LHPP: variants seen among roughly 807,000 people sequenced by gnomAD.
The protein encoded by LHPP is phospholysine phosphohistidine inorganic pyrophosphate phosphatase.
In LHPP, 24 loss-of-function variants were observed where a neutral mutation model predicts 30.3. The ratio of observed to expected loss-of-function variants is 0.79; its 90% CI spans 0.57 to 1.11. The LOEUF is 1.11. Among genes scored for constraint, LHPP ranks in the 50% most tolerant of loss-of-function variants. The pLI is 0.00. For missense variants in LHPP, 356 were observed against 367.2 expected, an observed-to-expected ratio of 0.97 and a Z score of 0.25; for synonymous variants, 150 against 157.1, an observed-to-expected ratio of 0.95 and a Z score of 0.34.
intron 5 of LHPP, among the ~76,000 whole-genome samples, chr10:124,516,977 C>T (rs768175711): frequency 6.6e-6 from 1 of 152,160 alleles, no homozygotes; most frequent in Non-Finnish European, 1.5e-5. Context: ...CTGTTCAAAG[C>T]TGTGGCCTAC....
At chr10:124,610,999 T>TGAGGGG (rs1564853303) in intron 6 of LHPP, among the ~76,000 whole-genome samples, 1 of 43,710 alleles carries the variant, frequency 2.3e-5, no homozygotes, top group Non-Finnish European at 5.3e-5. Context: ...CGGGTGAGGG[T>TGAGGGG]GTTAATGAAG....
chr10:124,462,363 G>A (rs926170762), intron 1 of LHPP, among the ~76,000 whole-genome samples: 4 of 152,222 alleles, frequency 2.6e-5, no homozygotes, highest in African/African-American at 7.2e-5. Context: ...AGAGGCAGAG[G>A]AGGGAGGATC....
At chr10:124,494,292 C>A (rs1385855446) in intron 3 of LHPP, among the ~76,000 whole-genome samples, 1 of 152,186 alleles carries the variant, frequency 6.6e-6, no homozygotes, top group Non-Finnish European at 1.5e-5. Flanking sequence ...GTCCACCCAA[C>A]CTCTAGCTCC....
chr10:124,500,750 C>G (rs73365843), intron 5 of LHPP, among the ~76,000 whole-genome samples: 5,747 of 151,574 alleles, frequency 0.038, 471 homozygotes, highest in African/African-American at 0.13. Flanking sequence ...TAGAAAATAA[C>G]AAGTGTTGGC....
At chr10:124,605,668 G>A (rs1203293730) in intron 6 of LHPP, among the ~76,000 whole-genome samples, 7 of 152,126 alleles carry the variant, frequency 4.6e-5, no homozygotes, top group Non-Finnish European at 1.0e-4. Context: ...AGGGAGGTCC[G>A]CAGGTGGGGC....
intron 5 of LHPP, among the ~76,000 whole-genome samples, chr10:124,513,402 G>T (rs953553553): frequency 1.1e-4 from 16 of 149,910 alleles, no homozygotes; most frequent in South Asian, 4.3e-4. Context: ...GAGCTGGTTG[G>T]TGGTGGTTTT....
intron 6 of LHPP, among the ~76,000 whole-genome samples, chr10:124,565,224 C>A (rs535988959): frequency 1.3e-5 from 2 of 152,210 alleles, no homozygotes; most frequent in Admixed American, 6.5e-5. Flanking sequence ...GAGAAGGGCA[C>A]CTCCCCTGCT....
At chr10:124,498,748 C>T (rs1368526473) in intron 5 of LHPP, 2 of 466,060 alleles carry the variant, frequency 4.3e-6, no homozygotes, top group Admixed American at 4.8e-5. Context: ...TGGCTCACTG[C>T]AGCCTGGACC....
chr10:124,576,573 A>G lies in LHPP; in HGVS notation c.717-36691A>G, dbSNP rs1948666163. Among the ~76,000 whole-genome samples the G allele has an allele frequency of 7.2e-6, 1 of 139,100 alleles. No individual in the cohort carries two copies. The highest frequency in any genetic ancestry group is 2.7e-5 in the African/African-American group (1 of 36,652). 91.3% of individuals were successfully genotyped at this position (139,100 alleles called of 152,430 possible). ...CTGCCACCCCTATATCTTACCCCAG[A>G]CTCCCCCATATCTCGCCCCCAGACC... is the stretch of plus-strand genomic sequence containing the variant. On this transcript the variant is annotated intron_variant, in intron 6 of 6. Coordinates refer to ENST00000368842, the MANE Select transcript of LHPP (RefSeq NM_022126.4). This position sits in a 1 kb window ranked among gnomAD's most constrained non-coding sequence, Gnocchi z 4.2.
intron 6 of LHPP, among the ~76,000 whole-genome samples, chr10:124,551,115 A>G (rs555010385): frequency 4.5e-4 from 68 of 152,220 alleles, no homozygotes; most frequent in African/African-American, 1.6e-3. Context: ...CACCTCCACC[A>G]GCATTAGCAC....
intron 4 of LHPP, among the ~76,000 whole-genome samples, chr10:124,497,257 CCTCCCCATCCTCCCCA>C (rs1953747635): frequency 5.0e-5 from 4 of 80,104 alleles, no homozygotes; most frequent in South Asian, 7.6e-4. Flanking sequence ...TCCTCCCCAT[CCTCCCCATCCTCCCCA>C]TCCTCCCCAT....
At chr10:124,503,904 T>A (rs1311778423) in intron 5 of LHPP, among the ~76,000 whole-genome samples, 2 of 152,108 alleles carry the variant, frequency 1.3e-5, no homozygotes, top group African/African-American at 4.8e-5. Flanking sequence ...TAAAAGTTTA[T>A]AAGTAGGCTG....
At chr10:124,610,989 CGGGTG>C (rs1949187607) in intron 6 of LHPP, among the ~76,000 whole-genome samples, 2 of 55,100 alleles carry the variant, frequency 3.6e-5, no homozygotes, top group Non-Finnish European at 7.2e-5. Context: ...GCTGGTGGAG[CGGGTG>C]AGGGTGTTAA....
intron 5 of LHPP, among the ~76,000 whole-genome samples, chr10:124,507,989 G>C (rs2807050): frequency 0.57 from 80,181 of 141,616 alleles, 23,728 homozygotes; most frequent in South Asian, 0.72. Flanking sequence ...TGAAAAATGG[G>C]GGTGAGGTTT....
intron 1 of LHPP, among the ~76,000 whole-genome samples, chr10:124,467,911 T>C (rs1952605742): frequency 6.6e-6 from 1 of 152,144 alleles, no homozygotes. Flanking sequence ...GGTTTCACCA[T>C]GTTGACCAGG....
At chr10:124,613,176 C>A in intron 6 of LHPP, 88 bp from the exon 7 acceptor site, 1 of 1,047,536 alleles carries the variant, frequency 9.5e-7, no homozygotes, top group Non-Finnish European at 1.5e-6. Context: ...AAGCTAAGGC[C>A]AGGCCCATGT....
At chr10:124,560,377 G>A (rs1459783144) in intron 6 of LHPP, among the ~76,000 whole-genome samples, 1 of 152,144 alleles carries the variant, frequency 6.6e-6, no homozygotes, top group Non-Finnish European at 1.5e-5. Context: ...TTGAGATTGT[G>A]TTTTATGTAC....
intron 6 of LHPP, among the ~76,000 whole-genome samples, chr10:124,573,786 G>A (rs1171765165): frequency 6.6e-6 from 1 of 152,200 alleles, no homozygotes; most frequent in African/African-American, 2.4e-5. Flanking sequence ...GTGAGATCAT[G>A]GACTTGGGCC....
At chr10:124,536,135 C>T (rs12265012) in intron 6 of LHPP, among the ~76,000 whole-genome samples, 47,383 of 152,200 alleles carry the variant, frequency 0.31, 8,121 homozygotes, top group Non-Finnish European at 0.39. Flanking sequence ...ACTGGGTCCC[C>T]GGGCTTTTCC....
Sources: allele counts gnomAD v4.1 joint callset (sites outside exome capture counted in the v4.1 genomes callset), GRCh38; gene constraint gnomAD v4.1.1; non-coding constraint Gnocchi (gnomAD v3.1); transcripts MANE v1.5; gene names NCBI Gene and HGNC (gene_info 2026-07-23, HGNC 2026-07-21).